ADGRL2: variants seen among roughly 807,000 people sequenced by gnomAD.
ADGRL2 encodes the protein adhesion G protein-coupled receptor L2.
In ADGRL2, 44 loss-of-function variants were observed where a neutral mutation model predicts 157.4. The observed-to-expected ratio is 0.28, with a 90% CI of 0.22 to 0.36. The LOEUF (loss-of-function observed/expected upper bound fraction) is 0.36, where lower values mean the gene tolerates loss of function less well. Among genes scored for constraint, ADGRL2 ranks in the 10% least tolerant of loss-of-function variants. The pLI, the probability that ADGRL2 is intolerant of heterozygous loss-of-function variation, is 1.00. For synonymous variants in ADGRL2, 585 were observed against 624.7 expected (o/e 0.94, Z 0.95); for missense variants, 1,510 against 1,768.9 (o/e 0.85, Z 2.63).
At chr1:81,371,076 A>C (rs1375440409) in intron 1 of ADGRL2, among the ~76,000 whole-genome samples, 2 of 152,180 alleles carry the variant, frequency 1.3e-5, no homozygotes, top group Non-Finnish European at 2.9e-5. Flanking sequence ...AAGGGGAATA[A>C]GTTCTCATTT....
chr1:81,636,331 T>A (rs897445291), intron 3 of ADGRL2, among the ~76,000 whole-genome samples: 1 of 152,194 alleles, frequency 6.6e-6, no homozygotes, highest in Admixed American at 6.5e-5. Flanking sequence ...TTTAAATCAT[T>A]TACTTTTTAA....
At chr1:81,807,909 T>C (rs2089365006) in intron 1 of ADGRL2, among the ~76,000 whole-genome samples, 2 of 151,828 alleles carry the variant, frequency 1.3e-5, no homozygotes, top group Non-Finnish European at 2.9e-5. Flanking sequence ...TTTGTAGATA[T>C]TTTTTGATAT....
At chr1:81,490,501 T>C (rs761437841) in intron 2 of ADGRL2, among the ~76,000 whole-genome samples, 2 of 152,176 alleles carry the variant, frequency 1.3e-5, no homozygotes, top group Non-Finnish European at 2.9e-5. Context: ...AAAGACTAAA[T>C]AGGCAAGTTA....
intron 1 of ADGRL2, among the ~76,000 whole-genome samples, chr1:81,396,739 T>C (rs953217693): frequency 1.3e-5 from 2 of 152,188 alleles, no homozygotes; most frequent in African/African-American, 4.8e-5. Flanking sequence ...TTTCTTCATC[T>C]ATTAAGATTA....
intron 2 of ADGRL2, among the ~76,000 whole-genome samples, chr1:81,902,413 C>G (rs1455075642): frequency 1.3e-5 from 2 of 152,172 alleles, no homozygotes; most frequent in South Asian, 2.1e-4. Flanking sequence ...GCCTGGCCAA[C>G]ATGGCGAAAC....
upstream of ADGRL2, among the ~76,000 whole-genome samples, chr1:81,799,350 G>A (rs1292527026): frequency 2.0e-5 from 3 of 152,158 alleles, no homozygotes; most frequent in Admixed American, 2.0e-4. Flanking sequence ...TTTATCTTTT[G>A]AAATAGTGAG....
intron 1 of ADGRL2, among the ~76,000 whole-genome samples, chr1:81,748,540 A>G (rs1050942565): frequency 6.6e-6 from 1 of 151,932 alleles, no homozygotes; most frequent in Non-Finnish European, 1.5e-5. Context: ...CATATCTGCA[A>G]TTTAAATTAT....
At chr1:81,699,999 G>T (rs1442332919) in intron 1 of ADGRL2, among the ~76,000 whole-genome samples, 1 of 152,208 alleles carries the variant, frequency 6.6e-6, no homozygotes, top group Non-Finnish European at 1.5e-5. Flanking sequence ...TGCAATAGCT[G>T]TCGGTACAGT....
intron 1 of ADGRL2, chr1:81,721,611 G>C: frequency 1.7e-6 from 1 of 586,956 alleles, no homozygotes; most frequent in African/African-American, 1.9e-5. Flanking sequence ...TACAAAAATT[G>C]CTTCTGTGCG....
At chr1:81,828,588 C>T (rs1571492273) in intron 1 of ADGRL2, among the ~76,000 whole-genome samples, 1 of 152,094 alleles carries the variant, frequency 6.6e-6, no homozygotes, top group East Asian at 1.9e-4. Flanking sequence ...AGTCATTTTT[C>T]TCTGCTTTTT....
At chr1:81,488,285 A>G (rs376807416) in intron 2 of ADGRL2, among the ~76,000 whole-genome samples, 2 of 152,224 alleles carry the variant, frequency 1.3e-5, no homozygotes, top group East Asian at 1.9e-4. Context: ...GATCCTTGGC[A>G]CAGAGAGTGC....
chr1:81,536,591 C>A (rs2079743343), intron 2 of ADGRL2, among the ~76,000 whole-genome samples: 2 of 152,174 alleles, frequency 1.3e-5, no homozygotes, highest in African/African-American at 2.4e-5. Context: ...CACTCGGTTT[C>A]CATGATCTGA....
At chr1:81,623,682 G>T (rs2081847314) in intron 3 of ADGRL2, among the ~76,000 whole-genome samples, 1 of 143,716 alleles carries the variant, frequency 7.0e-6, no homozygotes, top group Non-Finnish European at 1.5e-5. Context: ...TGTCACCCAG[G>T]TTGGAGTGCA....
chr1:81,574,605 T>A (rs2148510744), intron 2 of ADGRL2, among the ~76,000 whole-genome samples: 1 of 152,246 alleles, frequency 6.6e-6, no homozygotes. Context: ...ATTTCATTCA[T>A]CTCTTATTGT....
chr1:81,375,840 G>T (rs748877054), intron 1 of ADGRL2, among the ~76,000 whole-genome samples: 2 of 151,754 alleles, frequency 1.3e-5, no homozygotes, highest in African/African-American at 4.8e-5. Flanking sequence ...ATGGTTCATC[G>T]CTTGGATTTA....
At chr1:81,759,302 T>C (rs548024477) in intron 1 of ADGRL2, among the ~76,000 whole-genome samples, 4 of 152,254 alleles carry the variant, frequency 2.6e-5, no homozygotes, top group Non-Finnish European at 5.9e-5. Flanking sequence ...TACTGTCAGC[T>C]ACTGGAGTAA....
At chr1:81,797,721 T>C (rs1051209839), upstream of ADGRL2, among the ~76,000 whole-genome samples, 2 of 152,190 alleles carry the variant, frequency 1.3e-5, no homozygotes, top group African/African-American at 4.8e-5. Context: ...AAAATTAGCA[T>C]AACGTCTGTA....
intron 2 of ADGRL2, among the ~76,000 whole-genome samples, chr1:81,517,008 G>A (rs6689639): frequency 0.011 from 1,631 of 151,856 alleles, 20 homozygotes; most frequent in East Asian, 0.034. Context: ...CTCACTGAAG[G>A]CTATTTTAAA....
intron 2 of ADGRL2, among the ~76,000 whole-genome samples, chr1:81,868,391 A>T (rs2093606562): frequency 2.0e-5 from 3 of 152,110 alleles, no homozygotes; most frequent in Admixed American, 2.0e-4. Context: ...TGTGAAATAT[A>T]AATTGGATCA....
Sources: allele counts gnomAD v4.1 joint callset (sites outside exome capture counted in the v4.1 genomes callset), GRCh38; gene constraint gnomAD v4.1.1; transcripts MANE v1.5; gene names NCBI Gene and HGNC (gene_info 2026-07-23, HGNC 2026-07-21).